TCEANC2: variants seen among roughly 807,000 people sequenced by gnomAD.
TCEANC2 encodes the protein transcription elongation factor A N-terminal and central domain containing 2, also known as transcription elongation factor A N-terminal and central domain-containing protein 2.
In TCEANC2, 20 loss-of-function variants were observed where a neutral mutation model predicts 22.8. The observed-to-expected ratio is 0.88, with a 90% CI of 0.62 to 1.28. The LOEUF (loss-of-function observed/expected upper bound fraction) is 1.28, where lower values mean the gene tolerates loss of function less well. TCEANC2 is among the 50% of genes most tolerant of loss of function. The probability of loss-of-function intolerance (pLI) is 0.00; values close to 1 mark genes in which losing one functional copy is unlikely to be tolerated. For missense variants in TCEANC2, 251 were observed against 249.7 expected, an observed-to-expected ratio of 1.01 and a Z score of -0.03; for synonymous variants, 84 against 95.5, an observed-to-expected ratio of 0.88 and a Z score of 0.70.
rs987173233 is a variant in TCEANC2 at position 54,099,944 on chromosome 1, A to C, written c.*3471A>C. The C allele has an allele frequency of 6.6e-6, 1 of 151,902 alleles. No individual in the cohort carries two copies. Among genetic ancestry groups the C allele is most frequent in the Non-Finnish European group, 1.5e-5 (1 of 68,012 alleles). 9.4% of individuals were successfully genotyped at this position (151,902 alleles called of 1,614,324 possible). On this transcript the variant is annotated 3_prime_UTR_variant, in exon 5 of 5. Coordinates refer to ENST00000234827, the MANE Select transcript of TCEANC2 (RefSeq NM_153035.3). ...ATTGATGCTTTTCTTGTAGTGGTTAATTTGGAGGTCCTGGTTGGGCATGGT... is the reference window on the plus strand; with the variant it reads ...ATTGATGCTTTTCTTGTAGTGGTTACTTTGGAGGTCCTGGTTGGGCATGGT...
At chr1:54,054,628 C>A in intron 2 of TCEANC2, 104 bp downstream of exon 2, 1 of 1,165,744 alleles carries the variant, frequency 8.6e-7, no homozygotes, top group South Asian at 1.6e-5. Flanking sequence ...CTTGTTATGC[C>A]TCCTCCTCAA....
At chr1:54,064,500 A>G (rs925116085) in intron 2 of TCEANC2, among the ~76,000 whole-genome samples, 6 of 152,100 alleles carry the variant, frequency 3.9e-5, no homozygotes, top group African/African-American at 1.2e-4. Flanking sequence ...CCCTAAGTAA[A>G]TGAAGTAGTG....
At chr1:54,080,049 T>C (rs1658208595) in intron 3 of TCEANC2, among the ~76,000 whole-genome samples, 1 of 152,144 alleles carries the variant, frequency 6.6e-6, no homozygotes, top group South Asian at 2.1e-4. Flanking sequence ...CTGAGTGTGA[T>C]GCTTTTCATT....
intron 3 of TCEANC2, among the ~76,000 whole-genome samples, chr1:54,087,699 CAA>C (rs1658366308): frequency 6.6e-6 from 1 of 152,238 alleles, no homozygotes; most frequent in African/African-American, 2.4e-5. Flanking sequence ...AGTTTGTACT[CAA>C]GAGATTCTTT....
chr1:54,082,819 AACCAT>A (rs1187239702), intron 3 of TCEANC2, among the ~76,000 whole-genome samples: 1 of 152,286 alleles, frequency 6.6e-6, no homozygotes, highest in East Asian at 1.9e-4. Flanking sequence ...GGCCATGGAG[AACCAT>A]CGGAGGATTT....
At chr1:54,074,852 AG>A (rs990094637) in intron 3 of TCEANC2, among the ~76,000 whole-genome samples, 1 of 152,230 alleles carries the variant, frequency 6.6e-6, no homozygotes, top group Non-Finnish European at 1.5e-5. Flanking sequence ...TCTTTCAAGA[AG>A]TTTGGTATTG....
At chr1:54,063,844 A>G (rs1171571799) in intron 2 of TCEANC2, among the ~76,000 whole-genome samples, 4 of 152,224 alleles carry the variant, frequency 2.6e-5, no homozygotes, top group African/African-American at 9.6e-5. Flanking sequence ...AAAAGTCTCT[A>G]TGTGTTCAGT....
intron 4 of TCEANC2, among the ~76,000 whole-genome samples, 194 bp downstream of exon 4, chr1:54,088,984 G>A (rs1301505390): frequency 6.6e-6 from 1 of 152,080 alleles, no homozygotes; most frequent in African/African-American, 2.4e-5. Flanking sequence ...AAGGATTCTG[G>A]ATTTATAAGC....
At chr1:54,093,136 C>T (rs534555630) in intron 4 of TCEANC2, among the ~76,000 whole-genome samples, 3 of 152,252 alleles carry the variant, frequency 2.0e-5, no homozygotes, top group South Asian at 2.1e-4. Context: ...CCAGGCAGCC[C>T]GTGAGAGATA....
chr1:54,067,672 C>T (rs1657983112), intron 2 of TCEANC2, among the ~76,000 whole-genome samples: 1 of 152,280 alleles, frequency 6.6e-6, no homozygotes, highest in Non-Finnish European at 1.5e-5. Flanking sequence ...ACCCTTCTCC[C>T]ACCATAGGCT....
chr1:54,090,114 T>C (rs1658414698), intron 4 of TCEANC2: 3 of 537,212 alleles, frequency 5.6e-6, no homozygotes, highest in Non-Finnish European at 1.0e-5. Flanking sequence ...CCAGCTGGTG[T>C]AATAATGAAT....
Position 54,100,706 on chromosome 1 carries a change from T to C in TCEANC2, c.*4233T>C, listed in dbSNP as rs529614723. On this transcript the variant is annotated 3_prime_UTR_variant, in exon 5 of 5. Coordinates refer to ENST00000234827, the MANE Select transcript of TCEANC2 (RefSeq NM_153035.3). ...GGCTGAAGCATAAGGTTCTTAGGAATGGTAGTGAGAAATTGGGCAAAAAAA... is the reference window on the plus strand; with the variant it reads ...GGCTGAAGCATAAGGTTCTTAGGAACGGTAGTGAGAAATTGGGCAAAAAAA... 1.3e-5 allele frequency: 2 copies of C among 152,254 alleles called. No individual in the cohort carries two copies. The highest frequency in any genetic ancestry group is 3.9e-4 in the East Asian group (2 of 5,164). The allele number at this position is 152,254 out of a possible 1,614,324, so 9.4% of individuals were successfully genotyped here. A position where few individuals can be genotyped will look rare whatever the true frequency, so the allele number is the denominator to read the frequency against.
intron 2 of TCEANC2, among the ~76,000 whole-genome samples, chr1:54,066,009 G>C (rs911573563): frequency 1.3e-5 from 2 of 151,560 alleles, no homozygotes; most frequent in Non-Finnish European, 2.9e-5. Context: ...TGGGGGAGAG[G>C]GGGGCGGAGG....
intron 3 of TCEANC2, among the ~76,000 whole-genome samples, chr1:54,087,357 T>C (rs61210490): frequency 0.098 from 14,840 of 152,192 alleles, 1,718 homozygotes; most frequent in African/African-American, 0.28. Context: ...TAACTAACTC[T>C]CATATGCCCT....
chr1:54,093,255 T>C (rs989928498), intron 4 of TCEANC2, among the ~76,000 whole-genome samples: 2 of 152,178 alleles, frequency 1.3e-5, no homozygotes, highest in Non-Finnish European at 2.9e-5. Flanking sequence ...TCTCAAGGAC[T>C]CGGTGAAACT....
chr1:54,065,883 G>A (rs1015484133), intron 2 of TCEANC2, among the ~76,000 whole-genome samples: 4 of 152,050 alleles, frequency 2.6e-5, no homozygotes, highest in African/African-American at 4.8e-5. Context: ...GTTTGACTGG[G>A]CAACAGAGTG....
rs1446580434 is a variant in TCEANC2, at chr1:54,064,701, T to C, written c.103-4055T>C. Among the ~76,000 whole-genome samples, 4 of 148,682 alleles carry C rather than the reference T, an allele frequency of 2.7e-5. No homozygotes were observed. In the East Asian group the frequency reaches 7.8e-4, roughly 29 times the overall value. On this transcript the variant is annotated intron_variant, in intron 2 of 4. Coordinates refer to ENST00000234827, the MANE Select transcript of TCEANC2 (RefSeq NM_153035.3). The stretch of plus-strand genomic sequence containing the variant: ...TGGTTGTGCATTTTTCCTTTTTTTT[T>C]TTTTTTTTTTTTTTGGGGGACGGAG...
chr1:54,088,813 C>T, intron 4 of TCEANC2, 23 bp downstream of exon 4: 2 of 1,461,900 alleles, frequency 1.4e-6, no homozygotes, highest in Non-Finnish European at 9.2e-7. Context: ...ATATATACAA[C>T]TGTTATGTAC....
chr1:54,087,903 G>A (rs983728215), intron 3 of TCEANC2, among the ~76,000 whole-genome samples: 2 of 152,162 alleles, frequency 1.3e-5, no homozygotes, highest in Non-Finnish European at 2.9e-5. Context: ...TATTTCCTAT[G>A]AATTGGAAGT....
Sources: gnomAD v4.1 joint callset for allele counts (sites outside exome capture counted in the v4.1 genomes callset) on GRCh38, gnomAD v4.1.1 for gene constraint, MANE v1.5 for transcripts, NCBI Gene and HGNC (gene_info 2026-07-23, HGNC 2026-07-21) for gene names.